Variants in NFIL3 observed in about 807,000 individuals in gnomAD.
NFIL3 encodes nuclear factor, interleukin 3 regulated, also known as nuclear factor interleukin-3-regulated protein.
NFIL3 carries 5 observed loss-of-function variants against 10.0 expected under a neutral mutation model. The observed-to-expected ratio is 0.50, with a 90% CI of 0.26 to 1.06. NFIL3 has a LOEUF of 1.06. NFIL3 is among the 50% of genes least tolerant of loss of function. NFIL3 has a pLI of 0.13. For missense variants in NFIL3, 436 were observed against 547.6 expected, an observed-to-expected ratio of 0.80 and a Z score of 2.03; for synonymous variants, 202 against 206.5, an observed-to-expected ratio of 0.98 and a Z score of 0.19.
At chr9:91,473,516 G>A in the NFIL3 span, among the ~76,000 whole-genome samples, 1 of 152,260 alleles carries the variant, frequency 6.6e-6, no homozygotes, top group Non-Finnish European at 1.5e-5. Flanking sequence ...CGCCGAGCCA[G>A]GCATGGGATG....
At chr9:91,479,903 G>A in the NFIL3 span, among the ~76,000 whole-genome samples, 1 of 152,140 alleles carries the variant, frequency 6.6e-6, no homozygotes, top group Admixed American at 6.5e-5. Flanking sequence ...TTGGTTAGGG[G>A]AGGGAGTTCC....
chr9:91,436,913 C>G, the NFIL3 span, among the ~76,000 whole-genome samples: 1 of 152,310 alleles, frequency 6.6e-6, no homozygotes. Flanking sequence ...GGACCGGTTT[C>G]GTGGAAGACA....
chr9:91,429,411 C>T, the NFIL3 span, among the ~76,000 whole-genome samples: 1 of 152,276 alleles, frequency 6.6e-6, no homozygotes, highest in Admixed American at 6.5e-5. Context: ...AGAAAAACTG[C>T]AAATGTGGCA....
chr9:91,471,246 G>A, the NFIL3 span, among the ~76,000 whole-genome samples: 18 of 152,146 alleles, frequency 1.2e-4, no homozygotes, highest in South Asian at 1.0e-3. Context: ...AGCTCTTCTC[G>A]TTGAATTGAT....
At chr9:91,460,980 A>G in the NFIL3 span, among the ~76,000 whole-genome samples, 1 of 152,346 alleles carries the variant, frequency 6.6e-6, no homozygotes, top group East Asian at 1.9e-4. Context: ...CTTCTGTGTA[A>G]CTTCATAAGC....
the NFIL3 span, among the ~76,000 whole-genome samples, chr9:91,445,174 A>G: frequency 1.5e-4 from 23 of 152,110 alleles, no homozygotes; most frequent in African/African-American, 5.5e-4. Context: ...AAGAAGGGGT[A>G]CTCTGAGGGT....
the NFIL3 span, among the ~76,000 whole-genome samples, chr9:91,469,178 T>C: frequency 0.068 from 10,369 of 151,790 alleles, 649 homozygotes; most frequent in East Asian, 0.17. Context: ...TGGAATGTTC[T>C]ATTTGTTTGT....
the NFIL3 span, among the ~76,000 whole-genome samples, chr9:91,461,133 A>T: frequency 6.6e-6 from 1 of 152,202 alleles, no homozygotes; most frequent in Non-Finnish European, 1.5e-5. Context: ...GTCAGGGACG[A>T]TTATGGTGAA....
At chr9:91,461,475 T>C in the NFIL3 span, among the ~76,000 whole-genome samples, 2 of 149,830 alleles carry the variant, frequency 1.3e-5, no homozygotes, top group Non-Finnish European at 1.5e-5. Context: ...ACTTCGTGGC[T>C]TAAAACAACA....
the NFIL3 span, among the ~76,000 whole-genome samples, chr9:91,451,042 T>A: frequency 6.6e-6 from 1 of 152,152 alleles, no homozygotes; most frequent in African/African-American, 2.4e-5. Flanking sequence ...TTTTCCTAGC[T>A]CTCCATTAGC....
the NFIL3 span, among the ~76,000 whole-genome samples, chr9:91,447,606 G>A: frequency 2.0e-5 from 3 of 151,972 alleles, no homozygotes; most frequent in South Asian, 6.2e-4. Context: ...GTATCTTATC[G>A]CATCCTTATT....
the NFIL3 span, among the ~76,000 whole-genome samples, chr9:91,451,829 A>C: frequency 6.6e-6 from 1 of 152,176 alleles, no homozygotes; most frequent in Admixed American, 6.5e-5. Flanking sequence ...TGTTGCCATG[A>C]GTAAGGAAGT....
chr9:91,428,146 C>T (rs1192169281), upstream of NFIL3, among the ~76,000 whole-genome samples: 1 of 152,188 alleles, frequency 6.6e-6, no homozygotes, highest in African/African-American at 2.4e-5. Context: ...CTATTCATGC[C>T]ATTTTTAATC....
upstream of NFIL3, among the ~76,000 whole-genome samples, chr9:91,427,735 G>C (rs1284267210): frequency 1.3e-5 from 2 of 152,008 alleles, no homozygotes; most frequent in African/African-American, 4.8e-5. Context: ...GACCCCCCCA[G>C]GCTCAAGCAA....
chr9:91,476,504 C>T, the NFIL3 span, among the ~76,000 whole-genome samples: 3 of 151,412 alleles, frequency 2.0e-5, no homozygotes, highest in Non-Finnish European at 2.9e-5. Context: ...ACCTGGGAGG[C>T]GGAGGTTGCC....
chr9:91,445,692 T>C, the NFIL3 span, among the ~76,000 whole-genome samples: 1 of 151,894 alleles, frequency 6.6e-6, no homozygotes, highest in Non-Finnish European at 1.5e-5. Context: ...AAGCTTAGGG[T>C]CCATAGAAAG....
At chr9:91,460,744 A>C in the NFIL3 span, among the ~76,000 whole-genome samples, 2 of 152,176 alleles carry the variant, frequency 1.3e-5, no homozygotes, top group Non-Finnish European at 2.9e-5. Context: ...GCAAGCATAC[A>C]CCTGAGTCTT....
intron 1 of NFIL3, among the ~76,000 whole-genome samples, chr9:91,414,012 C>T (rs1833605655): frequency 6.6e-6 from 1 of 152,086 alleles, no homozygotes. Context: ...TCTTCCTAAA[C>T]TTCTAGGACC....
At chr9:91,419,947 T>TG (rs1453440560) in intron 1 of NFIL3, among the ~76,000 whole-genome samples, 1 of 152,198 alleles carries the variant, frequency 6.6e-6, no homozygotes, top group Non-Finnish European at 1.5e-5. Flanking sequence ...AGCTTATCTG[T>TG]GGGGTCTCAC....
Sources: allele counts gnomAD v4.1 joint callset (sites outside exome capture counted in the v4.1 genomes callset), GRCh38; gene constraint gnomAD v4.1.1; transcripts MANE v1.5; gene names NCBI Gene and HGNC (gene_info 2026-07-23, HGNC 2026-07-21).